The following RAB8B variants were observed in gnomAD, a reference collection of about 807,000 sequenced individuals.
RAB8B encodes the protein RAB8B, member RAS oncogene family.
Under a neutral mutation model 32.0 loss-of-function variants are expected in RAB8B, and 11 were observed. The ratio of observed to expected loss-of-function variants is 0.34; its 90% confidence interval spans 0.22 to 0.57. The LOEUF (loss-of-function observed/expected upper bound fraction) is 0.57. RAB8B is among the 20% of genes least tolerant of loss of function. The probability of loss-of-function intolerance (pLI) is 0.86; values close to 1 mark genes in which losing one functional copy is unlikely to be tolerated. For missense variants in RAB8B, 190 were observed against 258.5 expected (o/e 0.73, Z 1.82); for synonymous variants, 103 against 89.6 (o/e 1.15, Z -0.85).
intron 1 of RAB8B, among the ~76,000 whole-genome samples, chr15:63,237,981 T>C (rs1355048823): frequency 1.3e-5 from 2 of 152,146 alleles, no homozygotes; most frequent in Non-Finnish European, 2.9e-5. Context: ...CACCATTTAT[T>C]GAAGAGACTG....
intron 5 of RAB8B, among the ~76,000 whole-genome samples, chr15:63,258,171 G>A (rs936303251): frequency 1.3e-5 from 2 of 149,996 alleles, no homozygotes; most frequent in African/African-American, 4.9e-5. Flanking sequence ...GCACAATTTT[G>A]GCTCACTACA....
At chr15:63,233,701 A>G (rs889254379) in intron 1 of RAB8B, among the ~76,000 whole-genome samples, 1 of 152,196 alleles carries the variant, frequency 6.6e-6, no homozygotes, top group East Asian at 1.9e-4. Flanking sequence ...CTATTTTTCT[A>G]TTTCTGGAAG....
intron 2 of RAB8B, among the ~76,000 whole-genome samples, 186 bp downstream of exon 2, chr15:63,245,002 A>G (rs2038060270): frequency 6.6e-6 from 1 of 152,260 alleles, no homozygotes; most frequent in Non-Finnish European, 1.5e-5. Flanking sequence ...TGGGAAGGTG[A>G]GAGAGGGTAC....
chr15:63,266,553 T>C lies in RAB8B; in HGVS notation c.*2934T>C, dbSNP rs1428082650. 1 of 152,622 alleles carries C rather than the reference T, an allele frequency of 6.6e-6. No individual in the cohort carries two copies. The highest frequency in any genetic ancestry group is 2.4e-5 in the African/African-American group (1 of 41,466). The allele number at this position is 152,622 out of a possible 1,614,324, so 9.5% of individuals were successfully genotyped here. A position where few individuals can be genotyped will look rare whatever the true frequency, so the allele number is the denominator to read the frequency against. On this transcript the variant is annotated 3_prime_UTR_variant, in exon 8 of 8. Transcript: ENST00000321437. The stretch of plus-strand genomic sequence containing the variant: ...TATACCTCATTTAGCTAACTAGTAT[T>C]CTAATACCTGGTAGAAAAACAGTGA...
At chr15:63,233,868 GGGGATA>G (rs1181445825) in intron 1 of RAB8B, among the ~76,000 whole-genome samples, 1 of 152,140 alleles carries the variant, frequency 6.6e-6, no homozygotes, top group Non-Finnish European at 1.5e-5. Flanking sequence ...GTGGGTCAAA[GGGGATA>G]GATAACCTTT....
At chr15:63,242,059 G>A (rs1381144205) in intron 1 of RAB8B, among the ~76,000 whole-genome samples, 2 of 150,370 alleles carry the variant, frequency 1.3e-5, no homozygotes, top group East Asian at 2.0e-4. Flanking sequence ...AAGTAATTGC[G>A]GTTTTTGCCA....
intron 3 of RAB8B, among the ~76,000 whole-genome samples, chr15:63,253,027 C>A (rs918270732): frequency 6.6e-6 from 1 of 152,150 alleles, no homozygotes; most frequent in African/African-American, 2.4e-5. Flanking sequence ...GGATTACAGG[C>A]GTGAGCCACC....
chr15:63,243,720 A>AT (rs745824960), intron 1 of RAB8B, among the ~76,000 whole-genome samples: 41 of 150,268 alleles, frequency 2.7e-4, no homozygotes, highest in East Asian at 7.8e-4. Context: ...AATCATGAGG[A>AT]TTTTTTTTTT....
intron 1 of RAB8B, among the ~76,000 whole-genome samples, chr15:63,221,881 G>A (rs1361073545): frequency 6.6e-6 from 1 of 152,186 alleles, no homozygotes; most frequent in African/African-American, 2.4e-5. Context: ...TGTTTGTGGA[G>A]GCATGTATCA....
intron 1 of RAB8B, among the ~76,000 whole-genome samples, chr15:63,217,107 G>A (rs763216134): frequency 6.6e-6 from 1 of 151,920 alleles, no homozygotes; most frequent in Non-Finnish European, 1.5e-5. Context: ...TCTTTAGAAA[G>A]AATAATCAGA....
intron 1 of RAB8B, among the ~76,000 whole-genome samples, chr15:63,197,275 G>C (rs1217396691): frequency 1.3e-5 from 2 of 149,152 alleles, no homozygotes; most frequent in Non-Finnish European, 3.0e-5. Flanking sequence ...AGAAAAAAAT[G>C]ATCATTTTAT....
chr15:63,190,017 TGGG>T (rs2037541113), intron 1 of RAB8B, among the ~76,000 whole-genome samples: 1 of 114,402 alleles, frequency 8.7e-6, no homozygotes, highest in South Asian at 3.0e-4. Context: ...CTAGGGGTAT[TGGG>T]GGAACGAGAG....
chr15:63,196,026 G>T (rs1301116601), intron 1 of RAB8B, among the ~76,000 whole-genome samples: 1 of 152,202 alleles, frequency 6.6e-6, no homozygotes, highest in African/African-American at 2.4e-5. Flanking sequence ...ACCCTGGATT[G>T]TATGTATTCC....
chr15:63,197,679 T>C (rs1455652789), intron 1 of RAB8B, among the ~76,000 whole-genome samples: 6 of 152,180 alleles, frequency 3.9e-5, no homozygotes, highest in Non-Finnish European at 8.8e-5. Context: ...CTGAAATGGC[T>C]TTCTTTAAAG....
intron 1 of RAB8B, among the ~76,000 whole-genome samples, chr15:63,233,511 A>G (rs2037953058): frequency 6.6e-6 from 1 of 152,238 alleles, no homozygotes; most frequent in Non-Finnish European, 1.5e-5. Context: ...TCAACTAATT[A>G]TCCTAAAATC....
intron 1 of RAB8B, among the ~76,000 whole-genome samples, chr15:63,206,230 A>G (rs1157129340): frequency 2.0e-5 from 3 of 152,142 alleles, no homozygotes; most frequent in Non-Finnish European, 4.4e-5. Flanking sequence ...TACCCAGAGT[A>G]TTTATCTATA....
intron 1 of RAB8B, among the ~76,000 whole-genome samples, chr15:63,202,110 A>G (rs1466858432): frequency 1.7e-5 from 2 of 115,964 alleles, no homozygotes; most frequent in Non-Finnish European, 3.8e-5. Flanking sequence ...AAAAAAAAAA[A>G]AAAAAAAAAT....
At chr15:63,234,229 A>T (rs986517877) in intron 1 of RAB8B, among the ~76,000 whole-genome samples, 2 of 152,126 alleles carry the variant, frequency 1.3e-5, no homozygotes, top group African/African-American at 4.8e-5. Flanking sequence ...CAGGAGAACT[A>T]GTTGGCCCTA....
intron 1 of RAB8B, among the ~76,000 whole-genome samples, chr15:63,198,902 A>G (rs1372452578): frequency 6.6e-6 from 1 of 152,220 alleles, no homozygotes; most frequent in Non-Finnish European, 1.5e-5. Flanking sequence ...ATCCATTACA[A>G]AAAAAAGAGT....
Sources: gnomAD v4.1 joint callset for allele counts (sites outside exome capture counted in the v4.1 genomes callset) on GRCh38, gnomAD v4.1.1 for gene constraint, MANE v1.5 for transcripts, NCBI Gene and HGNC (gene_info 2026-07-23, HGNC 2026-07-21) for gene names.